The following KIF21A variants were observed in gnomAD, a reference collection of about 807,000 sequenced individuals.
KIF21A encodes the protein kinesin-like protein KIF21A.
In KIF21A, 114 loss-of-function variants were observed where a neutral mutation model predicts 202.9. The observed-to-expected ratio is 0.56, with a 90% confidence interval of 0.48 to 0.66. KIF21A has a LOEUF of 0.66. KIF21A is among the 30% of genes least tolerant of loss of function. The pLI is 0.00. For synonymous variants in KIF21A, 667 were observed against 670.8 expected, an observed-to-expected ratio of 0.99 and a Z score of 0.09; for missense variants, 1,677 against 1,994.9, an observed-to-expected ratio of 0.84 and a Z score of 3.04.
At position 39,369,720 on chromosome 12, in the gene KIF21A, G is replaced by A; in HGVS notation, c.450+9C>T. On this transcript the variant is annotated intron_variant, in intron 3 of 37. Transcript: ENST00000361418. ...TTAAAAGAAATTAATGCCAAAATTG[G>A]ATTATTACCTCTAAGAATTGGGCAT... 2 of 1,606,250 alleles carry A rather than the reference G, an allele frequency of 1.2e-6. No homozygotes were observed. The highest frequency in any genetic ancestry group is 3.3e-5 in the Admixed American group (2 of 59,818).
intron 1 of KIF21A, among the ~76,000 whole-genome samples, chr12:39,428,550 G>T (rs1240068586): frequency 6.6e-6 from 1 of 152,092 alleles, no homozygotes; most frequent in East Asian, 1.9e-4. Context: ...TTTAACCATG[G>T]TAATTAAAAT....
chr12:39,343,444 A>T (rs1236822139), intron 12 of KIF21A, among the ~76,000 whole-genome samples: 1 of 152,052 alleles, frequency 6.6e-6, no homozygotes, highest in Non-Finnish European at 1.5e-5. Context: ...TAAAAGTAAA[A>T]TTCCTCTACA....
chr12:39,355,335 A>G (rs756600064), intron 10 of KIF21A, among the ~76,000 whole-genome samples: 1 of 152,214 alleles, frequency 6.6e-6, no homozygotes, highest in Non-Finnish European at 1.5e-5. Flanking sequence ...TTTGCCTAAT[A>G]GTGACATAAA....
rs774163102 is a variant in KIF21A at position 39,307,665 on chromosome 12, G to T, written c.4342C>A (p.Pro1448Thr). The change falls in exon 34 of 38, where the codon CCT becomes ACT. Residue 1448 changes from proline to threonine, a missense_variant. Pro to Thr is a conservative substitution (Grantham distance 38). Coordinates refer to ENST00000361418, the MANE Select transcript of KIF21A (RefSeq NM_001173464.2). ...SASTSRTVAI[P>T]SGENQINQIA... ...TGATTGATCTGGTTCTCTCCAGAAG[G>T]AATAGCTACTGTTCGACTGGTACTT... 9.3e-6 allele frequency: 15 copies of T among 1,613,764 alleles called. No individual in the cohort carries two copies. In the East Asian group the frequency reaches 3.3e-4, roughly 36 times the overall value.
At chr12:39,369,938 G>T (rs745887031) in intron 2 of KIF21A, 27 bp from the exon 3 acceptor site, 1 of 1,604,220 alleles carries the variant, frequency 6.2e-7, no homozygotes, top group Non-Finnish European at 8.5e-7. Flanking sequence ...AGAAAGATTA[G>T]TGTTCAACCT....
At chr12:39,423,677 C>T (rs942315933) in intron 1 of KIF21A, among the ~76,000 whole-genome samples, 2 of 151,822 alleles carry the variant, frequency 1.3e-5, no homozygotes, top group African/African-American at 4.8e-5. Flanking sequence ...GGAGAAACCC[C>T]GTCTCTACTA....
intron 32 of KIF21A, among the ~76,000 whole-genome samples, chr12:39,310,376 C>T (rs754398943): frequency 6.6e-6 from 1 of 151,944 alleles, no homozygotes; most frequent in Non-Finnish European, 1.5e-5. Context: ...CTTTTACTCT[C>T]AATTCATAAG....
chr12:39,296,791 A>G (rs1232456442), intron 37 of KIF21A, among the ~76,000 whole-genome samples: 5 of 152,236 alleles, frequency 3.3e-5, no homozygotes, highest in Non-Finnish European at 5.9e-5. Context: ...ATGATAAGGC[A>G]AGGGCGATAA....
intron 1 of KIF21A, among the ~76,000 whole-genome samples, chr12:39,371,090 C>A (rs1949922782): frequency 6.6e-6 from 1 of 152,088 alleles, no homozygotes. Flanking sequence ...TATTATACTG[C>A]ATTATTTAGA....
At chr12:39,388,578 C>T (rs764497492) in intron 1 of KIF21A, among the ~76,000 whole-genome samples, 1 of 152,152 alleles carries the variant, frequency 6.6e-6, no homozygotes, top group Non-Finnish European at 1.5e-5. Flanking sequence ...CCTTAGTCCC[C>T]AGCACTGCAG....
At chr12:39,317,410 T>C (rs1489286259) in intron 29 of KIF21A, among the ~76,000 whole-genome samples, 2 of 152,132 alleles carry the variant, frequency 1.3e-5, no homozygotes, top group Non-Finnish European at 1.5e-5. Context: ...TATGGCAGTA[T>C]TGTTAGTATG....
chr12:39,383,179 T>A (rs989994218), intron 1 of KIF21A, among the ~76,000 whole-genome samples: 1 of 152,232 alleles, frequency 6.6e-6, no homozygotes, highest in Non-Finnish European at 1.5e-5. Flanking sequence ...ATGCACTTAA[T>A]CCTCTTCTTG....
intron 1 of KIF21A, among the ~76,000 whole-genome samples, chr12:39,395,097 C>A (rs1951639190): frequency 6.6e-6 from 1 of 152,180 alleles, no homozygotes; most frequent in Non-Finnish European, 1.5e-5. Flanking sequence ...ATAATCTTCT[C>A]ATTGTTCTCA....
At chr12:39,316,272 C>T (rs1324651409) in intron 29 of KIF21A, among the ~76,000 whole-genome samples, 1 of 152,080 alleles carries the variant, frequency 6.6e-6, no homozygotes, top group Non-Finnish European at 1.5e-5. Flanking sequence ...GTATCAAGTA[C>T]ATGAGATATA....
At chr12:39,333,167 CAA>C (rs773978505) in intron 18 of KIF21A, 43 bp downstream of exon 18, 2 of 1,607,250 alleles carry the variant, frequency 1.2e-6, no homozygotes, top group Non-Finnish European at 1.7e-6. Context: ...TCATTTATCT[CAA>C]AGTCAGAAGG....
intron 1 of KIF21A, among the ~76,000 whole-genome samples, chr12:39,422,118 C>T (rs933381184): frequency 2.0e-5 from 3 of 151,150 alleles, no homozygotes; most frequent in East Asian, 3.9e-4. Context: ...ACCACCACAT[C>T]CAGCTAATTT....
At chr12:39,432,053 C>G (rs1052924491) in intron 1 of KIF21A, among the ~76,000 whole-genome samples, 8 of 152,188 alleles carry the variant, frequency 5.3e-5, no homozygotes, top group Non-Finnish European at 8.8e-5. Context: ...TGAAGACTAA[C>G]AGACCAACAC....
At chr12:39,415,576 A>G (rs967014506) in intron 1 of KIF21A, among the ~76,000 whole-genome samples, 7 of 152,160 alleles carry the variant, frequency 4.6e-5, no homozygotes, top group South Asian at 2.1e-4. Context: ...TCTTTAAAAC[A>G]TAAATGATTT....
chr12:39,386,572 G>C (rs1950962296), intron 1 of KIF21A, among the ~76,000 whole-genome samples: 1 of 152,156 alleles, frequency 6.6e-6, no homozygotes. Context: ...TTGAACGGCA[G>C]GTGCTGACAA....
Sources: gnomAD v4.1 joint callset for allele counts (sites outside exome capture counted in the v4.1 genomes callset) on GRCh38, gnomAD v4.1.1 for gene constraint, MANE v1.5 for transcripts, NCBI Gene and HGNC (gene_info 2026-07-23, HGNC 2026-07-21) for gene names.